The following RNF150 variants were observed in gnomAD, a reference collection of about 807,000 sequenced individuals.
RNF150 encodes ring finger protein 150.
A neutral mutation model predicts 39.3 loss-of-function variants in RNF150; 24 were observed. The observed-to-expected ratio is 0.61, with a 90% CI of 0.44 to 0.86. RNF150 has a LOEUF of 0.86. Among genes scored for constraint, RNF150 ranks in the 40% least tolerant of loss-of-function variants. The pLI, the probability that RNF150 is intolerant of heterozygous loss-of-function variation, is 0.00. For missense variants in RNF150, 502 were observed against 587.8 expected (o/e 0.85, Z 1.51); for synonymous variants, 255 against 227.3 (o/e 1.12, Z -1.10).
At chr4:141,112,652 T>C (rs1739423328) in intron 1 of RNF150, among the ~76,000 whole-genome samples, 1 of 152,178 alleles carries the variant, frequency 6.6e-6, no homozygotes, top group Admixed American at 6.5e-5. Context: ...TGGCTGCCCT[T>C]AACATTTTTT....
chr4:141,015,547 C>A (rs774798127), intron 1 of RNF150, among the ~76,000 whole-genome samples: 2 of 151,764 alleles, frequency 1.3e-5, no homozygotes, highest in Non-Finnish European at 1.5e-5. Context: ...ATTTCTTTTT[C>A]AGATAGTTTG....
intron 1 of RNF150, among the ~76,000 whole-genome samples, chr4:140,977,134 T>C (rs150366530): frequency 2.0e-5 from 3 of 152,188 alleles, no homozygotes; most frequent in East Asian, 1.9e-4. Flanking sequence ...GGGCTTTCCA[T>C]ACAGAACCCA....
intron 1 of RNF150, among the ~76,000 whole-genome samples, chr4:141,034,201 G>A (rs1736057713): frequency 6.6e-6 from 1 of 152,158 alleles, no homozygotes; most frequent in Admixed American, 6.5e-5. Context: ...ATCAGCACCT[G>A]CTGCTTCACC....
At chr4:141,134,033 C>G (rs1243310740), upstream of RNF150, among the ~76,000 whole-genome samples, 3 of 152,260 alleles carry the variant, frequency 2.0e-5, no homozygotes, top group South Asian at 4.1e-4. Flanking sequence ...TTCCTACTGC[C>G]CACCTGGAAG....
At chr4:141,053,697 C>A in intron 1 of RNF150, 1 of 1,412,126 alleles carries the variant, frequency 7.1e-7, no homozygotes, top group Non-Finnish European at 9.2e-7. Context: ...ATGGTGAAAT[C>A]AGCTTCAGGG....
chr4:140,988,273 T>C (rs1453244398), intron 1 of RNF150, among the ~76,000 whole-genome samples: 1 of 152,084 alleles, frequency 6.6e-6, no homozygotes, highest in Non-Finnish European at 1.5e-5. Flanking sequence ...GGAAAATAAA[T>C]TGTTCTACCA....
At chr4:140,882,501 TTCTA>T (rs1442731929) in intron 6 of RNF150, among the ~76,000 whole-genome samples, 1 of 152,204 alleles carries the variant, frequency 6.6e-6, no homozygotes, top group Admixed American at 6.5e-5. Context: ...CAGTCTGGTT[TTCTA>T]TCTATTTTTG....
intron 1 of RNF150, among the ~76,000 whole-genome samples, chr4:141,105,379 C>A (rs2089967305): frequency 6.6e-6 from 1 of 152,188 alleles, no homozygotes. Context: ...AGCACCTCAG[C>A]CTCTTGACCT....
chr4:140,938,837 AT>A (rs1276394693), intron 4 of RNF150, among the ~76,000 whole-genome samples: 3 of 152,180 alleles, frequency 2.0e-5, no homozygotes, highest in Admixed American at 6.5e-5. Flanking sequence ...AGTTCATGGA[AT>A]ATAGTACTTA....
intron 2 of RNF150, among the ~76,000 whole-genome samples, chr4:140,960,091 T>C (rs1163973715): frequency 1.3e-5 from 2 of 152,116 alleles, no homozygotes; most frequent in African/African-American, 4.8e-5. Flanking sequence ...AAATTTAACA[T>C]CGTCAAATCC....
chr4:140,887,833 G>C (rs1729633475), intron 6 of RNF150, among the ~76,000 whole-genome samples: 1 of 152,144 alleles, frequency 6.6e-6, no homozygotes. Context: ...TTTTCAAAAA[G>C]AAAGAAGCAT....
At chr4:141,108,388 G>A (rs142604330) in intron 1 of RNF150, among the ~76,000 whole-genome samples, 9 of 152,058 alleles carry the variant, frequency 5.9e-5, no homozygotes, top group East Asian at 5.8e-4. Context: ...CTTAGAATAC[G>A]TACTGGTACA....
chr4:141,199,528 G>A lies in RNF150; in HGVS notation c.-6+13266C>T, dbSNP rs181003898. Reference sequence around the variant, plus strand: ...AAACAGTACTCAGCAGTAGAAACACGCTACTGGTACACTCAATAATGTGGA... The same window carrying A: ...AAACAGTACTCAGCAGTAGAAACACACTACTGGTACACTCAATAATGTGGA... On this transcript the variant is annotated intron_variant, in intron 1 of 7. Coordinates refer to the RNF150 transcript ENST00000420921. Among the ~76,000 whole-genome samples the A allele has an allele frequency of 7.2e-4, 110 of 152,226 alleles. 1 individual carries two copies. Among genetic ancestry groups the A allele is most frequent in the Admixed American group, 6.1e-3 (93 of 15,288 alleles).
At chr4:141,142,079 TC>T (rs964524492) in intron 1 of RNF150, among the ~76,000 whole-genome samples, 7 of 152,100 alleles carry the variant, frequency 4.6e-5, no homozygotes, top group Admixed American at 1.3e-4. Flanking sequence ...CTAGAATGTC[TC>T]CTTTGAACGT....
chr4:141,000,059 GAAGAAGAAGAAGAAGAAGAAGA>G (rs1734591923), intron 1 of RNF150, among the ~76,000 whole-genome samples: 3 of 97,922 alleles, frequency 3.1e-5, no homozygotes, highest in African/African-American at 1.1e-4. Context: ...AGAAGAAGAA[GAAGAAGAAGAAGAAGAAGAAGA>G]AGAAGGAGAA....
intron 1 of RNF150, among the ~76,000 whole-genome samples, chr4:141,020,822 G>T (rs1735463050): frequency 6.6e-6 from 1 of 152,150 alleles, no homozygotes; most frequent in Non-Finnish European, 1.5e-5. Flanking sequence ...AAAATCCACA[G>T]AGGGTTGAGG....
chr4:140,978,570 T>C (rs1347618057), intron 1 of RNF150, among the ~76,000 whole-genome samples: 2 of 152,174 alleles, frequency 1.3e-5, no homozygotes, highest in East Asian at 1.9e-4. Context: ...ATAAGAATTA[T>C]TGAATTATTG....
chr4:141,104,200 C>T (rs1042240743), intron 1 of RNF150, among the ~76,000 whole-genome samples: 4 of 151,990 alleles, frequency 2.6e-5, no homozygotes, highest in Non-Finnish European at 5.9e-5. Context: ...GCTCTGAACA[C>T]GAATGAAGAA....
At chr4:141,052,537 A>G (rs1039492670) in intron 1 of RNF150, among the ~76,000 whole-genome samples, 1 of 152,010 alleles carries the variant, frequency 6.6e-6, no homozygotes, top group Non-Finnish European at 1.5e-5. Flanking sequence ...CACCATGCCC[A>G]GCTAATTTTT....
Sources: gnomAD v4.1 joint callset for allele counts (sites outside exome capture counted in the v4.1 genomes callset) on GRCh38, gnomAD v4.1.1 for gene constraint, MANE v1.5 for transcripts, NCBI Gene and HGNC (gene_info 2026-07-23, HGNC 2026-07-21) for gene names.